Variants in CACNB2 observed in about 807,000 individuals in gnomAD.
CACNB2 encodes voltage-dependent L-type calcium channel subunit beta-2.
Under a neutral mutation model 73.3 loss-of-function variants are expected in CACNB2, and 42 were observed. The observed-to-expected ratio is 0.57, with a 90% CI of 0.45 to 0.74. The LOEUF is 0.74. Ranked by LOEUF, CACNB2 falls within the 30% of genes least tolerant of loss-of-function variation. The pLI, the probability that CACNB2 is intolerant of heterozygous loss-of-function variation, is 0.00. For synonymous variants in CACNB2, 348 were observed against 310.3 expected, an observed-to-expected ratio of 1.12 and a Z score of -1.28; for missense variants, 940 against 853.0, an observed-to-expected ratio of 1.10 and a Z score of -1.27.
chr10:18,140,703 G>T lies in CACNB2; in HGVS notation c.-34G>T. On this transcript the variant is annotated 5_prime_UTR_variant, in exon 1 of 14. Transcript: ENST00000324631. ...AGGAGGAGGGGACCCGCCGCCGGGG[G>T]CTGGCTGCTTCGCTCCGAGCCGACT... is the stretch of plus-strand genomic sequence containing the variant. 6.4e-7 allele frequency: 1 copy of T among 1,570,678 alleles called. No individual in the cohort carries two copies.
At chr10:18,220,213 A>AT (rs2035703565) in intron 2 of CACNB2, among the ~76,000 whole-genome samples, 1 of 50,954 alleles carries the variant, frequency 2.0e-5, no homozygotes, top group Non-Finnish European at 3.3e-5. Flanking sequence ...ATATATATAT[A>AT]TATATATATA....
intron 2 of CACNB2, among the ~76,000 whole-genome samples, chr10:18,361,426 G>C (rs1420562910): frequency 6.6e-6 from 1 of 150,380 alleles, no homozygotes; most frequent in East Asian, 2.0e-4. Context: ...TTGAATCCAG[G>C]AGGTGGAGGT....
intron 2 of CACNB2, among the ~76,000 whole-genome samples, chr10:18,384,662 G>A (rs2043149716): frequency 6.6e-6 from 1 of 151,770 alleles, no homozygotes; most frequent in South Asian, 2.1e-4. Flanking sequence ...CCTGGAAGGT[G>A]GAGGTTGCAG....
intron 1 of CACNB2, among the ~76,000 whole-genome samples, chr10:18,142,989 T>A (rs114977190): frequency 0.026 from 3,996 of 152,310 alleles, 75 homozygotes; most frequent in Middle Eastern, 0.099. Context: ...ACACCAGATA[T>A]TTTTGAGAGA....
chr10:18,247,599 C>T (rs547800487), intron 2 of CACNB2, among the ~76,000 whole-genome samples: 49 of 152,122 alleles, frequency 3.2e-4, no homozygotes, highest in Non-Finnish European at 5.4e-4. Flanking sequence ...TCTGTAGGTA[C>T]TTTGCAAAAT....
At chr10:18,160,760 A>G (rs1446642005) in intron 2 of CACNB2, among the ~76,000 whole-genome samples, 2 of 152,052 alleles carry the variant, frequency 1.3e-5, no homozygotes, top group African/African-American at 4.8e-5. Context: ...CCTCTTCCCT[A>G]TTCTGTCACT....
At chr10:18,427,604 A>G (rs2045672098) in intron 3 of CACNB2, among the ~76,000 whole-genome samples, 1 of 152,136 alleles carries the variant, frequency 6.6e-6, no homozygotes, top group Non-Finnish European at 1.5e-5. Context: ...AAATTCCTAA[A>G]CGTACTGTGT....
chr10:18,384,794 A>G (rs2043157538), intron 2 of CACNB2, among the ~76,000 whole-genome samples: 2 of 150,080 alleles, frequency 1.3e-5, no homozygotes, highest in Admixed American at 1.3e-4. Context: ...TAATATGAAC[A>G]TGGTAAAAAA....
intron 2 of CACNB2, among the ~76,000 whole-genome samples, chr10:18,234,439 A>G (rs138048678): frequency 0.011 from 1,682 of 152,322 alleles, 13 homozygotes; most frequent in Middle Eastern, 0.031. Flanking sequence ...AGATTTGTAC[A>G]GCCATAACCT....
At chr10:18,377,192 A>C (rs58368426) in intron 2 of CACNB2, among the ~76,000 whole-genome samples, 1,591 of 152,254 alleles carry the variant, frequency 0.01, 31 homozygotes, top group African/African-American at 0.036. Flanking sequence ...AAATAATTTT[A>C]ATTAGTGGGT....
intron 3 of CACNB2, among the ~76,000 whole-genome samples, chr10:18,404,590 ACT>A (rs1304795179): frequency 6.6e-6 from 1 of 152,160 alleles, no homozygotes; most frequent in Non-Finnish European, 1.5e-5. Context: ...AAACAGAAAG[ACT>A]CTACAAGTCA....
chr10:18,224,926 G>A (rs909978942), intron 2 of CACNB2, among the ~76,000 whole-genome samples: 4 of 152,176 alleles, frequency 2.6e-5, no homozygotes, highest in African/African-American at 9.7e-5. Flanking sequence ...ACCTCAGCCT[G>A]TCAATTTCCA....
chr10:18,380,974 A>G (rs1259827486), intron 2 of CACNB2, among the ~76,000 whole-genome samples: 1 of 151,888 alleles, frequency 6.6e-6, no homozygotes, highest in Non-Finnish European at 1.5e-5. Context: ...GGAAATCTGT[A>G]ATGCCCTTCC....
rs541827024 is a variant in CACNB2 at position 18,465,701 on chromosome 10, A to G, written c.334-32654A>G. On this transcript the variant is annotated intron_variant, in intron 3 of 13. Coordinates refer to ENST00000324631, the MANE Select transcript of CACNB2 (RefSeq NM_201596.3). ...CTTCTTCTTTTTTTTTTTTTTTTCA[A>G]GATGGCCTCTCCCTTTGTCAACCAT... Among the ~76,000 whole-genome samples, 7 of 150,126 alleles carry G rather than the reference A, an allele frequency of 4.7e-5. No individual in the cohort carries two copies. In the South Asian group the frequency reaches 1.1e-3, roughly 23 times the overall value.
chr10:18,280,313 C>T (rs1362792991), intron 2 of CACNB2, among the ~76,000 whole-genome samples: 1 of 152,102 alleles, frequency 6.6e-6, no homozygotes, highest in Non-Finnish European at 1.5e-5. Context: ...TACATATGTT[C>T]ATGAAATACT....
intron 2 of CACNB2, among the ~76,000 whole-genome samples, chr10:18,255,267 G>T (rs574764093): frequency 2.5e-4 from 38 of 152,138 alleles, no homozygotes; most frequent in Non-Finnish European, 4.4e-4. Context: ...TTCTCCAACT[G>T]CTTAAGCTGG....
chr10:18,312,876 A>G (rs2040014032), intron 2 of CACNB2, among the ~76,000 whole-genome samples: 1 of 152,166 alleles, frequency 6.6e-6, no homozygotes, highest in South Asian at 2.1e-4. Context: ...TTTTTTAGCC[A>G]CATTTCAAGG....
intron 2 of CACNB2, among the ~76,000 whole-genome samples, chr10:18,374,759 C>A (rs1474459186): frequency 6.6e-6 from 1 of 152,152 alleles, no homozygotes; most frequent in African/African-American, 2.4e-5. Flanking sequence ...ATGCCACTTT[C>A]CTTATGCACA....
Position 18,229,251 on chromosome 10 carries a change from A to G in CACNB2, c.213+78276A>G, listed in dbSNP as rs2036134019. Among the ~76,000 whole-genome samples the G allele has an allele frequency of 2.0e-5, 3 of 152,246 alleles. 1 individual carries two copies. The highest frequency in any genetic ancestry group is 4.8e-5 in the African/African-American group (2 of 41,460). The stretch of plus-strand genomic sequence containing the variant: ...TCAGCATGTTGGCAATCTGAAGACT[A>G]AATCCATAATTTCAATTACATGATT... On this transcript the variant is annotated intron_variant, in intron 2 of 13. Coordinates refer to ENST00000324631, the MANE Select transcript of CACNB2 (RefSeq NM_201596.3).
Sources: gnomAD v4.1 joint callset for allele counts (sites outside exome capture counted in the v4.1 genomes callset) on GRCh38, gnomAD v4.1.1 for gene constraint, MANE v1.5 for transcripts, NCBI Gene and HGNC (gene_info 2026-07-23, HGNC 2026-07-21) for gene names.